The following ADGRA3 variants were observed in gnomAD, a reference collection of about 807,000 sequenced individuals.
The protein encoded by ADGRA3 is adhesion G protein-coupled receptor A3.
ADGRA3 carries 56 observed loss-of-function variants against 119.8 expected under a neutral mutation model. The ratio of observed to expected loss-of-function variants is 0.47; its 90% CI spans 0.38 to 0.58. The LOEUF (loss-of-function observed/expected upper bound fraction) is 0.58. Among genes scored for constraint, ADGRA3 ranks in the 20% least tolerant of loss-of-function variants. The pLI, the probability that ADGRA3 is intolerant of heterozygous loss-of-function variation, is 0.00. For missense variants in ADGRA3, 1,516 were observed against 1,649.0 expected (o/e 0.92, Z 1.40); for synonymous variants, 607 against 623.8 (o/e 0.97, Z 0.40).
intron 16 of ADGRA3, among the ~76,000 whole-genome samples, chr4:22,397,071 CTTCT>C (rs1714386070): frequency 6.6e-6 from 1 of 151,776 alleles, no homozygotes; most frequent in Non-Finnish European, 1.5e-5. Context: ...CAGACAGAGG[CTTCT>C]TTTTGTTCAT....
chr4:22,509,739 G>A (rs1038791490), intron 1 of ADGRA3, among the ~76,000 whole-genome samples: 11 of 151,968 alleles, frequency 7.2e-5, no homozygotes, highest in Non-Finnish European at 1.0e-4. Context: ...GGCCGGGCGC[G>A]GTGGCTCACG....
chr4:22,497,418 T>C (rs1349846075), intron 1 of ADGRA3, among the ~76,000 whole-genome samples: 1 of 151,956 alleles, frequency 6.6e-6, no homozygotes, highest in Non-Finnish European at 1.5e-5. Context: ...ACTCAGAAAT[T>C]CAGAGAAGCA....
chr4:22,506,590 G>C (rs995384797), intron 1 of ADGRA3, among the ~76,000 whole-genome samples: 2 of 152,064 alleles, frequency 1.3e-5, no homozygotes, highest in African/African-American at 4.8e-5. Context: ...CAAAAGCAAA[G>C]CTTAGTATCT....
At chr4:22,424,395 C>A (rs1715847040) in intron 10 of ADGRA3, 43 bp from the exon 11 acceptor site, 6 of 1,583,140 alleles carry the variant, frequency 3.8e-6, no homozygotes, top group Non-Finnish European at 5.2e-6. Context: ...TTTAAAACCA[C>A]CATAAACTAT....
intron 1 of ADGRA3, among the ~76,000 whole-genome samples, chr4:22,481,510 T>C (rs1348459253): frequency 6.6e-6 from 1 of 152,250 alleles, no homozygotes; most frequent in Admixed American, 6.5e-5. Flanking sequence ...GAAACTTGTA[T>C]GAAATTCAAA....
chr4:22,401,049 ACT>A (rs566896316), intron 16 of ADGRA3, among the ~76,000 whole-genome samples: 242 of 152,196 alleles, frequency 1.6e-3, no homozygotes, highest in African/African-American at 5.6e-3. Context: ...TTTATGATTA[ACT>A]CTTTTTCTAA....
At chr4:22,426,376 C>T (rs754918892) in intron 10 of ADGRA3, among the ~76,000 whole-genome samples, 3 of 152,146 alleles carry the variant, frequency 2.0e-5, no homozygotes, top group Non-Finnish European at 4.4e-5. Flanking sequence ...AAATGTCTTA[C>T]GTTTATATCC....
At position 22,461,772 on chromosome 4, in the gene ADGRA3, T is replaced by A. The variant is rs770694494; in HGVS notation, c.366A>T (p.Pro122=). The part of the protein sequence containing the change: ...LRNNLISSID[P]GAFWGLSSLK... Reference sequence around the variant, plus strand: ...GAGATGACAGTCCCCAGAAGGCACCTGGATCTATACTACTAATAAGATTGT... The same window carrying A: ...GAGATGACAGTCCCCAGAAGGCACCAGGATCTATACTACTAATAAGATTGT... Residue 122 remains proline (P), a synonymous_variant, in exon 3 of 19, where the codon CCA becomes CCT. Coordinates refer to ENST00000334304, the MANE Select transcript of ADGRA3 (RefSeq NM_145290.4). 3.1e-6 allele frequency: 5 copies of A among 1,609,460 alleles called. No individual in the cohort carries two copies. The East Asian group carries it at 1.1e-4, about 36-fold the overall frequency.
In ADGRA3 at chr4:22,437,186, C is replaced by T. The variant is rs1201385620; in HGVS notation, c.1086-545G>A. On this transcript the variant is annotated intron_variant, in intron 8 of 18. Coordinates refer to ENST00000334304, the MANE Select transcript of ADGRA3 (RefSeq NM_145290.4). ...AAATATCATATATTTCACTTAAAAG[C>T]ATGTACTATAAATATTATAGATCAA... Among the ~76,000 whole-genome samples, 4 of 152,054 alleles carry T rather than the reference C, an allele frequency of 2.6e-5. No homozygotes were observed. The East Asian group carries it at 7.7e-4, about 29-fold the overall frequency.
chr4:22,426,093 C>T (rs1436148457), intron 10 of ADGRA3, among the ~76,000 whole-genome samples: 2 of 152,098 alleles, frequency 1.3e-5, no homozygotes, highest in African/African-American at 2.4e-5. Context: ...AAAATGTTGG[C>T]GCTTTTACTG....
At chr4:22,503,150 C>A (rs1719107891) in intron 1 of ADGRA3, among the ~76,000 whole-genome samples, 2 of 152,138 alleles carry the variant, frequency 1.3e-5, no homozygotes, top group South Asian at 4.1e-4. Flanking sequence ...GGGTAGACTG[C>A]ACTTCCAGGT....
chr4:22,395,168 A>T (rs992663588), intron 16 of ADGRA3, among the ~76,000 whole-genome samples: 3 of 152,202 alleles, frequency 2.0e-5, no homozygotes, highest in Non-Finnish European at 4.4e-5. Context: ...TACTCAAGAA[A>T]GCCACCTTAC....
At chr4:22,401,896 T>C (rs1357636017) in intron 15 of ADGRA3, among the ~76,000 whole-genome samples, 1 of 152,210 alleles carries the variant, frequency 6.6e-6, no homozygotes, top group Non-Finnish European at 1.5e-5. Flanking sequence ...GATTACCTGC[T>C]TGGCCACCTA....
intron 2 of ADGRA3, among the ~76,000 whole-genome samples, chr4:22,464,412 ACT>A (rs1056036192): frequency 6.6e-6 from 1 of 152,184 alleles, no homozygotes; most frequent in Non-Finnish European, 1.5e-5. Context: ...AGTCAGGTAA[ACT>A]CACAAATCCC....
chr4:22,509,671 C>T (rs189117516), intron 1 of ADGRA3, among the ~76,000 whole-genome samples: 8 of 152,114 alleles, frequency 5.3e-5, no homozygotes, highest in African/African-American at 1.9e-4. Flanking sequence ...CCCATATGGC[C>T]CATGCTCCAT....
chr4:22,401,385 C>A, intron 16 of ADGRA3, 46 bp downstream of exon 16: 1 of 1,531,688 alleles, frequency 6.5e-7, no homozygotes. Context: ...AAATTATCTT[C>A]TAATACCAGT....
chr4:22,423,229 G>A (rs1413500008), intron 11 of ADGRA3, among the ~76,000 whole-genome samples: 3 of 151,194 alleles, frequency 2.0e-5, no homozygotes, highest in African/African-American at 7.3e-5. Context: ...GAAAAAAAAA[G>A]AAACCACAGC....
At chr4:22,404,074 C>A (rs1297792431) in intron 14 of ADGRA3, among the ~76,000 whole-genome samples, 2 of 152,176 alleles carry the variant, frequency 1.3e-5, no homozygotes, top group African/African-American at 4.8e-5. Context: ...CTACCCTGGC[C>A]ACCATGCCAG....
At chr4:22,479,992 T>C (rs1311395382) in intron 1 of ADGRA3, among the ~76,000 whole-genome samples, 2 of 152,018 alleles carry the variant, frequency 1.3e-5, no homozygotes, top group African/African-American at 2.4e-5. Flanking sequence ...CAGGGGCCTG[T>C]CACGGGGTGG....
Sources: allele counts gnomAD v4.1 joint callset (sites outside exome capture counted in the v4.1 genomes callset), GRCh38; gene constraint gnomAD v4.1.1; transcripts MANE v1.5; gene names NCBI Gene and HGNC (gene_info 2026-07-23, HGNC 2026-07-21).